SEMA3A: variants seen among roughly 807,000 people sequenced by gnomAD.
SEMA3A encodes the protein semaphorin 3A.
A neutral mutation model predicts 97.9 loss-of-function variants in SEMA3A; 29 were observed. The ratio of observed to expected loss-of-function variants is 0.30; its 90% CI spans 0.22 to 0.40. The LOEUF (loss-of-function observed/expected upper bound fraction) is 0.40, where lower values mean the gene tolerates loss of function less well. Ranked by LOEUF, SEMA3A falls within the 10% of genes least tolerant of loss-of-function variation. The pLI, the probability that SEMA3A is intolerant of heterozygous loss-of-function variation, is 1.00. For synonymous variants in SEMA3A, 321 were observed against 323.7 expected (o/e 0.99, Z 0.09); for missense variants, 763 against 951.3 (o/e 0.80, Z 2.60).
rs1178194583 is a variant in SEMA3A at position 84,203,502 on chromosome 7, G to GTATATA, written c.-82-8840_-82-8835dup. Among the ~76,000 whole-genome samples the GTATATA allele has an allele frequency of 1.4e-3, 81 of 56,992 alleles. 2 individuals are homozygous for GTATATA. Among genetic ancestry groups the GTATATA allele is most frequent in the African/African-American group, 4.5e-3 (64 of 14,152 alleles). 37.4% of individuals were successfully genotyped at this position (56,992 alleles called of 152,430 possible). On this transcript the variant is annotated intron_variant, in intron 3 of 3. Coordinates refer to the SEMA3A transcript ENST00000424555. ...GTAGAAAGTATTTCTTTGTGTGTGT[G>GTATATA]TATATATATATATATATATATATAT...
chr7:84,476,183 C>T (rs1200236940), intron 1 of SEMA3A, among the ~76,000 whole-genome samples: 5 of 151,624 alleles, frequency 3.3e-5, no homozygotes, highest in South Asian at 2.1e-4. Flanking sequence ...GGTGAAACCC[C>T]GTCTCTACTA....
chr7:84,007,408 G>A lies in SEMA3A; in HGVS notation c.1085C>T (p.Pro362Leu). The A allele has an allele frequency of 6.2e-7, 1 of 1,608,870 alleles. No homozygotes were observed. Among genetic ancestry groups the A allele is most frequent in the Non-Finnish European group, 8.5e-7 (1 of 1,177,488 alleles). Residue 362 changes from proline (P) to leucine (L), a missense_variant, in exon 10 of 17, where the codon CCC (proline) becomes CTC (leucine). Physicochemically the swap from Pro to Leu is moderately conservative, Grantham distance 98. Transcript: ENST00000265362. Reference protein sequence around the residue: ...FLGPYAHRDGPNYQWVPYQGR... With the variant: ...FLGPYAHRDGLNYQWVPYQGR... ...TTGATAAGGCACCCATTGATAGTTG[G>A]GTCCATCCCTGTGGGCATATGGACC...
intron 1 of SEMA3A, among the ~76,000 whole-genome samples, chr7:84,373,630 G>A (rs1038268879): frequency 3.9e-5 from 6 of 152,122 alleles, no homozygotes; most frequent in Non-Finnish European, 8.8e-5. Context: ...AATGCAGACA[G>A]TACATCATGG....
rs1353599957 is a variant in SEMA3A, at chr7:84,142,015, T to C, written c.113-7064A>G. Among the ~76,000 whole-genome samples, 7 of 152,294 alleles carry C rather than the reference T, an allele frequency of 4.6e-5. No homozygotes were observed. The East Asian group carries it at 1.2e-3, about 25-fold the overall frequency. ...TTCTAGACCCCACACAAGACACAAG[T>C]GTCCTAGGCCATGTTATCAGGGAGA... On this transcript the variant is annotated intron_variant, in intron 1 of 16. Coordinates refer to ENST00000265362, the MANE Select transcript of SEMA3A (RefSeq NM_006080.3).
intron 1 of SEMA3A, among the ~76,000 whole-genome samples, chr7:84,401,408 T>A (rs1803899175): frequency 6.6e-6 from 1 of 151,688 alleles, no homozygotes; most frequent in African/African-American, 2.4e-5. Flanking sequence ...AAGAATTGTG[T>A]TAAAATGTTG....
chr7:84,391,810 A>G (rs1427479073), intron 1 of SEMA3A, among the ~76,000 whole-genome samples: 4 of 151,946 alleles, frequency 2.6e-5, no homozygotes. Flanking sequence ...CTTCTCTACA[A>G]AAAAATACAA....
At chr7:84,402,836 T>G (rs74654734) in intron 1 of SEMA3A, among the ~76,000 whole-genome samples, 3,986 of 152,252 alleles carry the variant, frequency 0.026, 161 homozygotes, top group African/African-American at 0.09. Context: ...TATCACACGT[T>G]CTCATTCATG....
chr7:84,307,858 C>A (rs1460496820), intron 2 of SEMA3A, among the ~76,000 whole-genome samples: 3 of 151,746 alleles, frequency 2.0e-5, no homozygotes, highest in African/African-American at 7.3e-5. Context: ...TTAAAATGTG[C>A]TTTGGAAAAT....
intron 2 of SEMA3A, among the ~76,000 whole-genome samples, chr7:84,321,437 G>A (rs1801640611): frequency 6.6e-6 from 1 of 152,090 alleles, no homozygotes; most frequent in Admixed American, 6.6e-5. Context: ...TCAGCAATAA[G>A]CATAAGAAAG....
chr7:84,438,603 G>A lies in SEMA3A; in HGVS notation c.-246+53857C>T, dbSNP rs369398950. 5.3e-4 allele frequency among the ~76,000 whole-genome samples: 81 copies of A among 152,068 alleles called. 2 individuals carry two copies. The East Asian group carries it at 0.013, about 24-fold the overall frequency. On this transcript the variant is annotated intron_variant, in intron 1 of 3. Coordinates refer to the SEMA3A transcript ENST00000424555. ...TATCAAAGATTGCCAGAAAACCATC[G>A]GGAAGTCATGCCTTTCACAATAAAA...
At chr7:84,347,034 T>C (rs971380062) in intron 2 of SEMA3A, among the ~76,000 whole-genome samples, 2 of 152,178 alleles carry the variant, frequency 1.3e-5, no homozygotes, top group East Asian at 3.9e-4. Flanking sequence ...AACACTAAAA[T>C]GCTAATAACA....
At chr7:84,487,593 C>T (rs561400813) in intron 1 of SEMA3A, among the ~76,000 whole-genome samples, 18 of 152,118 alleles carry the variant, frequency 1.2e-4, no homozygotes, top group African/African-American at 4.3e-4. Flanking sequence ...AAAGTAGTTA[C>T]TAGATAATTC....
intron 5 of SEMA3A, among the ~76,000 whole-genome samples, chr7:84,055,593 C>T (rs10954746): frequency 0.52 from 78,465 of 151,368 alleles, 21,727 homozygotes; most frequent in East Asian, 0.62. Context: ...CACTGACCTG[C>T]GCCCACTGTC....
chr7:84,473,271 A>G (rs368548903), intron 1 of SEMA3A, among the ~76,000 whole-genome samples: 1 of 151,002 alleles, frequency 6.6e-6, no homozygotes, highest in East Asian at 1.9e-4. Context: ...TTTATTCTCT[A>G]TAACTATAAC....
chr7:84,213,516 T>C (rs1011999656), intron 3 of SEMA3A, among the ~76,000 whole-genome samples: 11 of 152,140 alleles, frequency 7.2e-5, no homozygotes, highest in Non-Finnish European at 1.5e-4. Flanking sequence ...AACTCCTGGC[T>C]CCCAAGTGAT....
chr7:84,441,032 C>A (rs1481499740), intron 1 of SEMA3A, among the ~76,000 whole-genome samples: 1 of 152,030 alleles, frequency 6.6e-6, no homozygotes, highest in Admixed American at 6.6e-5. Flanking sequence ...GGGGCGCATG[C>A]CTGTAATCCC....
chr7:84,202,187 T>C (rs1231265846), intron 3 of SEMA3A, among the ~76,000 whole-genome samples: 1 of 152,152 alleles, frequency 6.6e-6, no homozygotes, highest in Non-Finnish European at 1.5e-5. Flanking sequence ...TTGCAATATA[T>C]TGAATTCTAG....
At chr7:84,291,570 T>C (rs1020001175) in intron 3 of SEMA3A, among the ~76,000 whole-genome samples, 1 of 152,114 alleles carries the variant, frequency 6.6e-6, no homozygotes, top group African/African-American at 2.4e-5. Context: ...TCATAAAACA[T>C]TGAACATTTC....
intron 1 of SEMA3A, among the ~76,000 whole-genome samples, chr7:84,458,231 G>A (rs541143596): frequency 5.9e-5 from 9 of 152,110 alleles, no homozygotes; most frequent in African/African-American, 1.2e-4. Context: ...TTTATATCAA[G>A]GGAGTGAGTT....
Sources: allele counts gnomAD v4.1 joint callset (sites outside exome capture counted in the v4.1 genomes callset), GRCh38; gene constraint gnomAD v4.1.1; transcripts MANE v1.5; gene names NCBI Gene and HGNC (gene_info 2026-07-23, HGNC 2026-07-21).